ACP4: variants seen among roughly 807,000 people sequenced by gnomAD.
ACP4 encodes the protein testicular acid phosphatase.
Under a neutral mutation model 47.3 loss-of-function variants are expected in ACP4, and 49 were observed. The ratio of observed to expected loss-of-function variants is 1.04; its 90% CI spans 0.82 to 1.32. The LOEUF (loss-of-function observed/expected upper bound fraction) is 1.32. Among genes scored for constraint, ACP4 ranks in the 40% most tolerant of loss-of-function variants. The probability of loss-of-function intolerance (pLI) is 0.00; values close to 1 mark genes in which losing one functional copy is unlikely to be tolerated. For missense variants in ACP4, 594 were observed against 579.3 expected (o/e 1.03, Z -0.26); for synonymous variants, 299 against 265.3 (o/e 1.13, Z -1.23).
At chr19:50,793,366 T>A (rs937442103) in intron 6 of ACP4, 12 of 277,304 alleles carry the variant, frequency 4.3e-5, no homozygotes, top group Admixed American at 1.4e-4. Context: ...AAAAAAAAAA[T>A]TAGCCAGGAA....
chr19:50,794,574 G>A lies in ACP4; in HGVS notation c.979G>A (p.Asp327Asn). 1 of 1,614,064 alleles carries A rather than the reference G, an allele frequency of 6.2e-7. No individual in the cohort carries two copies. The highest frequency in any genetic ancestry group is 8.5e-7 in the Non-Finnish European group (1 of 1,180,002). Residue 327 changes from aspartate to asparagine, a missense_variant, in exon 9 of 11, where the codon GAT (aspartate) becomes AAT (asparagine). Transcript: ENST00000270593. ...FRKHLGNPAK[D>N]GGNVTVSLFY... Reference sequence around the variant, plus strand: ...GAAGCACCTGGGGAATCCCGCCAAAGATGGAGGGTGAGAATGGTTTGGTGC... The same window carrying A: ...GAAGCACCTGGGGAATCCCGCCAAAAATGGAGGGTGAGAATGGTTTGGTGC...
chr19:50,794,704 G>C (rs2089540861), intron 9 of ACP4, 82 bp from the exon 10 acceptor site: 2 of 1,576,768 alleles, frequency 1.3e-6, no homozygotes, highest in African/African-American at 2.7e-5. Context: ...GAGGATGACA[G>C]GTGGGAGTCA....
chr19:50,794,976 C>T lies in ACP4; in HGVS notation c.1165+12C>T, dbSNP rs749199310. The T allele has an allele frequency of 8.5e-5, 137 of 1,613,312 alleles. 1 individual carries two copies. Among genetic ancestry groups the T allele is most frequent in the Admixed American group, 6.5e-4 (39 of 59,980 alleles). ...TGCCATCCCCCCAGGTGACAGTCCT[C>T]TGTGTTGGGGTGGGAGTGGAGGGTT... On this transcript the variant is annotated intron_variant, in intron 10 of 10. Coordinates refer to ENST00000270593, the MANE Select transcript of ACP4 (RefSeq NM_033068.3).
intron 9 of ACP4, 99 bp downstream of exon 9, chr19:50,794,680 T>G: frequency 6.3e-7 from 1 of 1,597,936 alleles, no homozygotes; most frequent in Non-Finnish European, 8.5e-7. Context: ...GGGAGCTGCA[T>G]GGGATGATGC....
At chr19:50,793,313 C>T (rs552274638) in intron 6 of ACP4, 188 of 203,842 alleles carry the variant, frequency 9.2e-4, no homozygotes, top group African/African-American at 4.0e-3. Context: ...AGTTTCAGAC[C>T]AGTCTGACCA....
In ACP4 at chr19:50,794,867, C is replaced by G. The variant is rs2089543462; in HGVS notation, c.1068C>G (p.Pro356=). 2 of 1,613,598 alleles carry G rather than the reference C, an allele frequency of 1.2e-6. No individual in the cohort carries two copies. The highest frequency in any genetic ancestry group is 1.7e-6 in the Non-Finnish European group (2 of 1,179,762). The part of the protein sequence containing the change: ...LPLSLPGCPA[P]CPLGRFYQLT... ...TCAGCCTCCCCGGGTGCCCGGCCCC[C>G]TGTCCACTAGGCCGCTTCTACCAGC... Residue 356 remains proline, a synonymous_variant, in exon 10 of 11, where the codon CCC becomes CCG. Coordinates refer to ENST00000270593, the MANE Select transcript of ACP4 (RefSeq NM_033068.3).
chr19:50,792,504 G>A (rs1390329563), intron 6 of ACP4, 167 bp downstream of exon 6: 5 of 649,872 alleles, frequency 7.7e-6, no homozygotes, highest in East Asian at 2.7e-5. Context: ...TCCCCAGGAC[G>A]CTGTGAGGAT....
rs576016842 is a variant in ACP4 at position 50,791,628 on chromosome 19, C to G, written c.304-28C>G. 3.3e-5 allele frequency: 52 copies of G among 1,595,112 alleles called. 1 individual carries two copies. In the South Asian group the frequency reaches 5.7e-4, roughly 18 times the overall value. On this transcript the variant is annotated intron_variant, in intron 3 of 10. Coordinates refer to ENST00000270593, the MANE Select transcript of ACP4 (RefSeq NM_033068.3). ...ACCTCTGTCCCCAACCACGACCCCC[C>G]GCGTGCCCTCTCTCCACCCCGCTCC... is the stretch of plus-strand genomic sequence containing the variant.
chr19:50,795,113 G>A lies in ACP4; in HGVS notation c.1236G>A (p.Leu412=). 3.2e-6 allele frequency: 5 copies of A among 1,571,736 alleles called. No individual in the cohort carries two copies. The South Asian group carries it at 3.5e-5, about 11-fold the overall frequency. ...CACTCAGCTTGGGGCTGGGCCTGCT[G>A]GCCTGGAGACCAGGGTGCCTGCGGG... is the stretch of plus-strand genomic sequence containing the variant. ...LVALSLGLGL[L]AWRPGCLRAL... Residue 412 remains leucine (L), a synonymous_variant, in exon 11 of 11, where the codon CTG becomes CTA. Transcript: ENST00000270593.
Position 50,794,817 on chromosome 19 carries a change from G to A in ACP4, c.1018G>A (p.Asp340Asn). The A allele has an allele frequency of 1.2e-6, 2 of 1,609,652 alleles. No individual in the cohort carries two copies. Among genetic ancestry groups the A allele is most frequent in the Non-Finnish European group, 1.7e-6 (2 of 1,177,566 alleles). The stretch of plus-strand genomic sequence containing the variant: ...CACCGTCTCCCTCTTCTACCGCAAT[G>A]ACTCCGCCCACCTGCCCCTGCCTCT... The part of the protein sequence containing the change: ...NVTVSLFYRN[D>N]SAHLPLPLSL... Residue 340 changes from aspartate (D) to asparagine (N), a missense_variant, in exon 10 of 11, where the codon GAC (aspartate) becomes AAC (asparagine). Physicochemically the swap from Asp to Asn is conservative, Grantham distance 23. Coordinates refer to ENST00000270593, the MANE Select transcript of ACP4 (RefSeq NM_033068.3).
chr19:50,790,842 G>C lies in ACP4; in HGVS notation c.285G>C (p.Pro95=), dbSNP rs185153035. 1.3e-6 allele frequency: 2 copies of C among 1,548,660 alleles called. No homozygotes were observed. Among genetic ancestry groups the C allele is most frequent in the Non-Finnish European group, 1.7e-6 (2 of 1,146,752 alleles). The change falls in exon 3 of 11, where the codon CCG becomes CCC. Residue 95 remains proline, a synonymous_variant. Coordinates refer to ENST00000270593, the MANE Select transcript of ACP4 (RefSeq NM_033068.3). The part of the protein sequence containing the change: ...LRSRYEAFLS[P]EYRREEVYIR... ...GCCGCTACGAGGCCTTCCTGAGTCC[G>C]GAGTACCGGCGGGAGGAGGTAGGGC... is the stretch of plus-strand genomic sequence containing the variant.
Position 50,790,872 on chromosome 19 carries a change from GTGACCCCCACCTGGCCCCC to G in ACP4, c.303+18_303+36del. 1 of 1,543,272 alleles carries G rather than the reference GTGACCCCCACCTGGCCCCC, an allele frequency of 6.5e-7. No individual in the cohort carries two copies. Among genetic ancestry groups the G allele is most frequent in the African/African-American group, 1.4e-5 (1 of 73,024 alleles). ...ACCGGCGGGAGGAGGTAGGGCCATA[GTGACCCCCACCTGGCCCCC>G]TGACCTCCCACCTGTGACCTCCACT... On this transcript the variant is annotated intron_variant, in intron 3 of 10. Transcript: ENST00000270593.
At position 50,793,670 on chromosome 19, in the gene ACP4, C is replaced by T; in HGVS notation, c.646-14C>T. ...GAGGGCTCAGGATGGTCCATCTGTC[C>T]TGTCTCCCCACAGCAAGCCCACGGT... On this transcript the variant is annotated splice_polypyrimidine_tract_variant and intron_variant, in intron 6 of 10. Transcript: ENST00000270593. 6.2e-7 allele frequency: 1 copy of T among 1,612,170 alleles called. No individual in the cohort carries two copies. Among genetic ancestry groups the T allele is most frequent in the Non-Finnish European group, 8.5e-7 (1 of 1,179,490 alleles).
In ACP4 at chr19:50,790,874, G is replaced by C. The variant is rs1446435964; in HGVS notation, c.303+14G>C. On this transcript the variant is annotated intron_variant, in intron 3 of 10. Transcript: ENST00000270593. ...CGGCGGGAGGAGGTAGGGCCATAGTGACCCCCACCTGGCCCCCTGACCTCC... is the reference window on the plus strand; with the variant it reads ...CGGCGGGAGGAGGTAGGGCCATAGTCACCCCCACCTGGCCCCCTGACCTCC... 6.5e-7 allele frequency: 1 copy of C among 1,542,066 alleles called. No individual in the cohort carries two copies.
chr19:50,791,772 G>A lies in ACP4; in HGVS notation c.420G>A (p.Pro140=), dbSNP rs768123271. 47 of 1,611,214 alleles carry A rather than the reference G, an allele frequency of 2.9e-5. No homozygotes were observed. The highest frequency in any genetic ancestry group is 3.2e-5 in the Non-Finnish European group (38 of 1,179,210). ...CCGAGGCCCGCTGGAGGCCGATCCC[G>A]GTGCACACGGTGCCCGTGGCTGAGG... The part of the protein sequence containing the change: ...GSPEARWRPI[P]VHTVPVAEDK... The change falls in exon 4 of 11, where the codon CCG becomes CCA. Residue 140 remains proline, a synonymous_variant. Transcript: ENST00000270593.
In ACP4 at chr19:50,795,187, G is replaced by C. The variant is rs1399832726; in HGVS notation, c.*29G>C. On this transcript the variant is annotated 3_prime_UTR_variant, in exon 11 of 11. Coordinates refer to ENST00000270593, the MANE Select transcript of ACP4 (RefSeq NM_033068.3). The stretch of plus-strand genomic sequence containing the variant: ...AGAAACCAGGGCTTCCCTACCCCCA[G>C]CTGACACTGGACCCCAACATGTATG... 6.6e-7 allele frequency: 1 copy of C among 1,508,900 alleles called. No individual in the cohort carries two copies. The highest frequency in any genetic ancestry group is 1.2e-5 in the South Asian group (1 of 81,492). The allele number at this position is 1,508,900 out of a possible 1,614,324, so 93.5% of individuals were successfully genotyped here.
At position 50,790,483 on chromosome 19, in the gene ACP4, AC is replaced by A; in HGVS notation, c.73del (p.Arg25GlyfsTer46). ...LLLLLLLVLP[P>X]RALPEGPLVF... ...TGCTGCTGCTGCTGCTGGTGCTGCC[AC>A]CCCGGGCCCTGCCAGAAGGACCCCT... On this transcript the variant is annotated frameshift_variant, in exon 1 of 11. Transcript: ENST00000270593. LOFTEE classifies it high-confidence loss of function. The A allele has an allele frequency of 6.4e-7, 1 of 1,562,270 alleles. No individual in the cohort carries two copies. Among genetic ancestry groups the A allele is most frequent in the Non-Finnish European group, 8.6e-7 (1 of 1,156,472 alleles).
At position 50,792,265 on chromosome 19, in the gene ACP4, C is replaced by T; in HGVS notation, c.573C>T (p.Asn191=). 1 of 1,613,472 alleles carries T rather than the reference C, an allele frequency of 6.2e-7. No homozygotes were observed. Among genetic ancestry groups the T allele is most frequent in the Non-Finnish European group, 8.5e-7 (1 of 1,180,008 alleles). Reference sequence around the variant, plus strand: ...AGGGCTTCCTGAGTCGCCTGGAGAACTTCACGGGACTGTCGCTGGTTGGAG... The same window carrying T: ...AGGGCTTCCTGAGTCGCCTGGAGAATTTCACGGGACTGTCGCTGGTTGGAG... ...GWTGFLSRLE[N]FTGLSLVGEP... The change falls in exon 6 of 11, where the codon AAC becomes AAT. Residue 191 remains asparagine, a synonymous_variant. Coordinates refer to ENST00000270593, the MANE Select transcript of ACP4 (RefSeq NM_033068.3).
intron 6 of ACP4, chr19:50,792,555 T>C (rs1488885425): frequency 1.8e-6 from 1 of 556,830 alleles, no homozygotes; most frequent in East Asian, 2.9e-5. Context: ...CAATAGTGCC[T>C]GGTGTACAGT....
Sources: allele counts gnomAD v4.1 joint callset, GRCh38; gene constraint gnomAD v4.1.1; transcripts MANE v1.5; gene names NCBI Gene and HGNC (gene_info 2026-07-23, HGNC 2026-07-21).